Variants in SEL1L2 observed in about 807,000 individuals in gnomAD.
The protein encoded by SEL1L2 is SEL1L2 adaptor subunit of SYVN1 ubiquitin ligase.
SEL1L2 carries 89 observed loss-of-function variants against 98.8 expected under a neutral mutation model. The observed-to-expected ratio is 0.90, with a 90% CI of 0.76 to 1.07. SEL1L2 has a LOEUF of 1.07. Among genes scored for constraint, SEL1L2 ranks in the 50% least tolerant of loss-of-function variants. The pLI is 0.00. For missense variants in SEL1L2, 788 were observed against 812.0 expected (o/e 0.97, Z 0.36); for synonymous variants, 262 against 278.5 (o/e 0.94, Z 0.59).
chr20:13,989,884 G>C (rs1253619934), intron 1 of SEL1L2, among the ~76,000 whole-genome samples: 1 of 151,950 alleles, frequency 6.6e-6, no homozygotes, highest in Admixed American at 6.6e-5. Context: ...CTAACCACTA[G>C]ACAAGCAGGG....
chr20:13,958,331 A>C (rs564217837), intron 1 of SEL1L2, among the ~76,000 whole-genome samples: 2 of 145,430 alleles, frequency 1.4e-5, no homozygotes, highest in East Asian at 2.1e-4. Context: ...ATGTGAGTGC[A>C]AAAGTACTTG....
intron 13 of SEL1L2, among the ~76,000 whole-genome samples, 181 bp from the exon 14 acceptor site, chr20:13,869,771 C>T (rs778542854): frequency 4.0e-5 from 6 of 151,774 alleles, no homozygotes; most frequent in African/African-American, 7.3e-5. Context: ...GGAAATAATG[C>T]CTCATTTTCA....
rs377549761 is a variant in SEL1L2, at chr20:13,879,091, ACCACTCTGTCT to A, written c.958-1514_958-1504del. ...AGTACTGCAGATCAATAAGCAGCTCACCACTCTGTCTCCACAGTATACAGAGGAGGGCTAAA... is the reference window on the plus strand; with the variant it reads ...AGTACTGCAGATCAATAAGCAGCTCACCACAGTATACAGAGGAGGGCTAAA... On this transcript the variant is annotated intron_variant, in intron 10 of 19. Coordinates refer to ENST00000284951, the MANE Select transcript of SEL1L2 (RefSeq NM_025229.2). Among the ~76,000 whole-genome samples the A allele has an allele frequency of 8.9e-4, 135 of 152,306 alleles. 3 individuals carry two copies. The highest frequency in any genetic ancestry group is 3.2e-3 in the African/African-American group (133 of 41,574).
intron 5 of SEL1L2, among the ~76,000 whole-genome samples, chr20:13,891,916 A>G (rs1204040842): frequency 6.6e-6 from 1 of 152,196 alleles, no homozygotes; most frequent in Non-Finnish European, 1.5e-5. Flanking sequence ...ATGAAAAGGT[A>G]TGTATGTAGA....
At chr20:13,863,361 G>A (rs913033367) in intron 17 of SEL1L2, among the ~76,000 whole-genome samples, 1 of 152,168 alleles carries the variant, frequency 6.6e-6, no homozygotes, top group Non-Finnish European at 1.5e-5. Flanking sequence ...ACCCTAATAA[G>A]GGGGCTGACT....
intron 2 of SEL1L2, among the ~76,000 whole-genome samples, chr20:13,942,781 T>G (rs550548996): frequency 1.3e-5 from 2 of 152,180 alleles, no homozygotes; most frequent in African/African-American, 4.8e-5. Context: ...TAAATGCATG[T>G]ATGTTTGAAA....
At chr20:13,971,590 T>C (rs2051285188) in intron 1 of SEL1L2, among the ~76,000 whole-genome samples, 1 of 123,154 alleles carries the variant, frequency 8.1e-6, no homozygotes, top group South Asian at 2.6e-4. Flanking sequence ...CATAGCTAGC[T>C]AATTTTTTTT....
chr20:13,850,054 A>G, intron 19 of SEL1L2, 137 bp downstream of exon 19: 1 of 871,948 alleles, frequency 1.1e-6, no homozygotes, highest in South Asian at 1.7e-5. Context: ...CTGCATGGCA[A>G]GTGTAAGACT....
At chr20:13,905,461 C>A (rs903559764) in intron 5 of SEL1L2, among the ~76,000 whole-genome samples, 6 of 151,948 alleles carry the variant, frequency 3.9e-5, no homozygotes, top group African/African-American at 1.5e-4. Context: ...CAGGCACCAA[C>A]CACCATGCCC....
chr20:13,989,526 G>A (rs544316193), intron 1 of SEL1L2, among the ~76,000 whole-genome samples: 1 of 152,278 alleles, frequency 6.6e-6, no homozygotes, highest in Admixed American at 6.5e-5. Context: ...TGGCAAAAGT[G>A]GACATCCTTG....
Position 13,887,797 on chromosome 20 carries a change from T to C in SEL1L2, c.717A>G (p.Leu239=), listed in dbSNP as rs1364880799. The part of the protein sequence containing the change: ...INVLQNCEVA[L]SYYKKVADYI... ...AATCTGCCACTTTCTTGTAATAACTTAGGGCAACTTCACAATTCTGTAGAA... is the reference window on the plus strand; with the variant it reads ...AATCTGCCACTTTCTTGTAATAACTCAGGGCAACTTCACAATTCTGTAGAA... Residue 239 remains leucine (L), a synonymous_variant, in exon 8 of 20, where the codon CTA becomes CTG. Transcript: ENST00000284951. 6.2e-7 allele frequency: 1 copy of C among 1,612,910 alleles called. No individual in the cohort carries two copies. The highest frequency in any genetic ancestry group is 1.3e-5 in the African/African-American group (1 of 74,914).
chr20:13,935,712 G>C (rs1036731063), intron 2 of SEL1L2, among the ~76,000 whole-genome samples: 3 of 152,162 alleles, frequency 2.0e-5, no homozygotes, highest in Non-Finnish European at 4.4e-5. Context: ...TGTGTGAATG[G>C]GAGCCCTATG....
intron 2 of SEL1L2, among the ~76,000 whole-genome samples, chr20:13,949,447 G>A (rs1022424418): frequency 6.6e-6 from 1 of 152,104 alleles, no homozygotes; most frequent in African/African-American, 2.4e-5. Context: ...GGCGGATCAC[G>A]AGGTCAGGAG....
intron 5 of SEL1L2, among the ~76,000 whole-genome samples, chr20:13,898,125 C>T (rs1856525227): frequency 6.6e-6 from 1 of 152,142 alleles, no homozygotes; most frequent in South Asian, 2.1e-4. Context: ...AGCAATTCTA[C>T]TTCTGGGTAT....
intron 8 of SEL1L2, among the ~76,000 whole-genome samples, chr20:13,887,111 A>G (rs1363227076): frequency 2.0e-5 from 3 of 152,194 alleles, no homozygotes; most frequent in Non-Finnish European, 1.5e-5. Flanking sequence ...ATTACTTCCT[A>G]TGGATAGTCT....
chr20:13,887,633 A>C, intron 8 of SEL1L2, 136 bp downstream of exon 8: 1 of 592,732 alleles, frequency 1.7e-6, no homozygotes, highest in South Asian at 2.5e-5. Context: ...TTATGTTAAA[A>C]GAATTGTATT....
At chr20:13,920,645 T>C (rs936520360) in intron 3 of SEL1L2, among the ~76,000 whole-genome samples, 6 of 152,118 alleles carry the variant, frequency 3.9e-5, no homozygotes, top group African/African-American at 1.4e-4. Flanking sequence ...TTGAAGTCCA[T>C]TACAACACTT....
chr20:13,881,202 C>T (rs988933337), intron 10 of SEL1L2, among the ~76,000 whole-genome samples: 9 of 152,028 alleles, frequency 5.9e-5, no homozygotes, highest in South Asian at 2.1e-4. Flanking sequence ...TTAGTAGAGA[C>T]GGGGTTTCAC....
chr20:13,994,349 G>A (rs556721816), upstream of SEL1L2, among the ~76,000 whole-genome samples: 1 of 146,614 alleles, frequency 6.8e-6, no homozygotes, highest in South Asian at 2.2e-4. Flanking sequence ...TTACCATGTT[G>A]TGAATCATCC....
Sources: gnomAD v4.1 joint callset for allele counts (sites outside exome capture counted in the v4.1 genomes callset) on GRCh38, gnomAD v4.1.1 for gene constraint, MANE v1.5 for transcripts, NCBI Gene and HGNC (gene_info 2026-07-23, HGNC 2026-07-21) for gene names.